LHFPL1: variants seen among roughly 807,000 people sequenced by gnomAD.
LHFPL1 encodes the protein LHFPL tetraspan subfamily member 1 protein.
LHFPL1 carries 4 observed loss-of-function variants against 12.1 expected under a neutral mutation model. The observed-to-expected ratio is 0.33, with a 90% confidence interval of 0.16 to 0.76. The LOEUF is 0.76. Among genes scored for constraint, LHFPL1 ranks in the 30% least tolerant of loss-of-function variants. The probability of loss-of-function intolerance (pLI) is 0.61; values close to 1 mark genes in which losing one functional copy is unlikely to be tolerated. For synonymous variants in LHFPL1, 52 were observed against 61.9 expected, an observed-to-expected ratio of 0.84 and a Z score of 0.75; for missense variants, 141 against 174.1, an observed-to-expected ratio of 0.81 and a Z score of 1.07.
intron 1 of LHFPL1, among the ~76,000 whole-genome samples, chrX:112,672,172 A>G (rs1255034289): frequency 8.9e-6 from 1 of 112,041 alleles, no homozygotes; most frequent in Non-Finnish European, 1.9e-5. Context: ...TTATCTCTGG[A>G]ATGGCTATTA....
intron 3 of LHFPL1, among the ~76,000 whole-genome samples, chrX:112,651,074 C>G (rs1930839637): frequency 1.8e-5 from 2 of 111,876 alleles, no homozygotes; most frequent in African/African-American, 6.5e-5. Flanking sequence ...GTAATGAGCT[C>G]TTGTATGTAT....
At chrX:112,678,533 C>T (rs973869827) in intron 1 of LHFPL1, among the ~76,000 whole-genome samples, 7 of 112,199 alleles carry the variant, frequency 6.2e-5, no homozygotes, top group African/African-American at 6.5e-5. Flanking sequence ...ATTGTATAAG[C>T]TGGGAATAAA....
intron 3 of LHFPL1, among the ~76,000 whole-genome samples, chrX:112,652,029 G>C (rs1455452937): frequency 2.7e-5 from 3 of 112,833 alleles, no homozygotes; most frequent in Admixed American, 9.3e-5. Flanking sequence ...TCGCACATTA[G>C]AGCCTTTATA....
At chrX:112,633,568 T>C (rs1228992927) in intron 3 of LHFPL1, among the ~76,000 whole-genome samples, 1 of 112,046 alleles carries the variant, frequency 8.9e-6, no homozygotes, top group Non-Finnish European at 1.9e-5. Flanking sequence ...CATCAGAGGC[T>C]CTCACAATAC....
chrX:112,632,285 G>A (rs1333146583), intron 3 of LHFPL1, among the ~76,000 whole-genome samples: 2 of 111,444 alleles, frequency 1.8e-5, no homozygotes, highest in Non-Finnish European at 3.8e-5. Flanking sequence ...CTTTGAAGTG[G>A]GTAGTTTTCT....
intron 2 of LHFPL1, among the ~76,000 whole-genome samples, chrX:112,662,240 G>C (rs1395301037): frequency 8.9e-6 from 1 of 112,271 alleles, no homozygotes; most frequent in Non-Finnish European, 1.9e-5. Context: ...ACATAGCACA[G>C]AACCATCACA....
At chrX:112,677,435 C>T (rs948816040) in intron 1 of LHFPL1, among the ~76,000 whole-genome samples, 5 of 110,972 alleles carry the variant, frequency 4.5e-5, no homozygotes, top group African/African-American at 1.6e-4. Context: ...TTTCTCCTCA[C>T]GCCCCCAGAC....
At chrX:112,668,065 C>T (rs749546932) in intron 2 of LHFPL1, among the ~76,000 whole-genome samples, 6 of 111,368 alleles carry the variant, frequency 5.4e-5, no homozygotes, top group African/African-American at 1.3e-4. Flanking sequence ...CAATGTATTT[C>T]GGTTAATGCG....
chrX:112,664,989 C>T (rs1931288939), intron 2 of LHFPL1, among the ~76,000 whole-genome samples: 1 of 111,435 alleles, frequency 9.0e-6, no homozygotes, highest in Admixed American at 9.5e-5. Flanking sequence ...GTATCTTGTC[C>T]TGGTACCAAC....
intron 3 of LHFPL1, among the ~76,000 whole-genome samples, chrX:112,631,828 T>C (rs1367180939): frequency 8.9e-6 from 1 of 111,918 alleles, no homozygotes. Context: ...TGTAAGATTT[T>C]ATTTTTTTGT....
intron 1 of LHFPL1, among the ~76,000 whole-genome samples, chrX:112,673,854 A>G (rs1413970244): frequency 8.9e-6 from 1 of 111,947 alleles, no homozygotes; most frequent in Non-Finnish European, 1.9e-5. Flanking sequence ...TATTGAAGAC[A>G]GAAGGAAACC....
At chrX:112,674,076 C>T (rs994128662) in intron 1 of LHFPL1, among the ~76,000 whole-genome samples, 1 of 111,680 alleles carries the variant, frequency 9.0e-6, no homozygotes, top group South Asian at 3.8e-4. Flanking sequence ...ACCAAAACAG[C>T]GTGGCACTGG....
chrX:112,667,564 C>T (rs1931371765), intron 2 of LHFPL1, among the ~76,000 whole-genome samples: 1 of 112,529 alleles, frequency 8.9e-6, no homozygotes, highest in South Asian at 3.7e-4. Flanking sequence ...TACTACTCAC[C>T]TATTTGTTCT....
chrX:112,638,139 G>T (rs778252700), intron 3 of LHFPL1, among the ~76,000 whole-genome samples: 1 of 112,023 alleles, frequency 8.9e-6, no homozygotes, highest in South Asian at 3.7e-4. Context: ...GGTGTTTCAG[G>T]TAAGGGGCAA....
chrX:112,631,688 G>A (rs1930194794), intron 3 of LHFPL1, 87 bp from the exon 4 acceptor site: 1 of 687,617 alleles, frequency 1.5e-6, no homozygotes, highest in African/African-American at 2.2e-5. Context: ...ATTCCAGAAA[G>A]TACAGTTTTT....
intron 3 of LHFPL1, among the ~76,000 whole-genome samples, chrX:112,642,339 C>T (rs988961833): frequency 1.0e-5 from 1 of 99,564 alleles, no homozygotes; most frequent in Non-Finnish European, 2.0e-5. Context: ...GGTGAAGCCC[C>T]GTCTCAACAA....
At chrX:112,654,540 A>T (rs1242650196) in intron 3 of LHFPL1, among the ~76,000 whole-genome samples, 1 of 110,518 alleles carries the variant, frequency 9.0e-6, no homozygotes, top group African/African-American at 3.3e-5. Context: ...TGGAACAAAT[A>T]TTGGAAAAAA....
chrX:112,634,803 G>T lies in LHFPL1; in HGVS notation c.482-3202C>A, dbSNP rs143360604. ...AGTGCCTTGTGAATTCCCTCTCACA[G>T]AAATTTCTGTTAGACCTCTGAAGGC... On this transcript the variant is annotated intron_variant, in intron 3 of 3. Coordinates refer to ENST00000371968, the MANE Select transcript of LHFPL1 (RefSeq NM_178175.4). Among the ~76,000 whole-genome samples the T allele has an allele frequency of 5.7e-3, 634 of 111,231 alleles. 6 individuals carry two copies. The highest frequency in any genetic ancestry group is 0.02 in the African/African-American group (598 of 30,582).
intron 2 of LHFPL1, among the ~76,000 whole-genome samples, chrX:112,664,141 A>G (rs1342274596): frequency 8.9e-6 from 1 of 112,260 alleles, no homozygotes; most frequent in East Asian, 2.8e-4. Flanking sequence ...GTATGTAAAT[A>G]GTTGTTGTAT....
Sources: allele counts gnomAD v4.1 joint callset (sites outside exome capture counted in the v4.1 genomes callset), GRCh38; gene constraint gnomAD v4.1.1; transcripts MANE v1.5; gene names NCBI Gene and HGNC (gene_info 2026-07-23, HGNC 2026-07-21).